The following ARB2A variants were observed in gnomAD, a reference collection of about 807,000 sequenced individuals.
ARB2A encodes ARB2 cotranscriptional regulator A.
the ARB2A span, among the ~76,000 whole-genome samples, chr5:93,926,796 C>A: frequency 6.7e-6 from 1 of 149,272 alleles, no homozygotes. Context: ...GTTTCTAATG[C>A]AAGTGAATTC....
the ARB2A span, among the ~76,000 whole-genome samples, chr5:93,730,979 T>C: frequency 6.6e-6 from 1 of 152,214 alleles, no homozygotes; most frequent in African/African-American, 2.4e-5. Flanking sequence ...GGTGGTATTA[T>C]TTGAATGCAG....
the ARB2A span, chr5:94,053,348 GATA>G: frequency 3.6e-6 from 2 of 552,936 alleles, no homozygotes; most frequent in Non-Finnish European, 6.2e-6. Context: ...TGCTTTAACT[GATA>G]ATGCTACTAA....
chr5:94,108,781 T>C, the ARB2A span, among the ~76,000 whole-genome samples: 53 of 152,208 alleles, frequency 3.5e-4, no homozygotes, highest in African/African-American at 1.2e-3. Flanking sequence ...TGTGGAGAAA[T>C]TGGACTCCTT....
At chr5:94,063,262 C>T in the ARB2A span, among the ~76,000 whole-genome samples, 107 of 152,282 alleles carry the variant, frequency 7.0e-4, no homozygotes, top group African/African-American at 2.6e-3. Flanking sequence ...TCCACCACCA[C>T]TGTCACCTAA....
chr5:93,633,643 A>G, the ARB2A span, among the ~76,000 whole-genome samples: 5 of 152,342 alleles, frequency 3.3e-5, no homozygotes, highest in Non-Finnish European at 7.4e-5. Flanking sequence ...CTTTAAAATT[A>G]TATAGCAATG....
the ARB2A span, among the ~76,000 whole-genome samples, chr5:94,006,226 T>C: frequency 1.3e-5 from 2 of 152,164 alleles, no homozygotes; most frequent in Non-Finnish European, 2.9e-5. Flanking sequence ...TACTGGAACA[T>C]GAAACATCCT....
chr5:94,088,808 A>G, the ARB2A span, among the ~76,000 whole-genome samples: 48 of 152,358 alleles, frequency 3.2e-4, no homozygotes, highest in African/African-American at 1.0e-3. Flanking sequence ...TGTATAAGAA[A>G]TTAAATTTTT....
the ARB2A span, among the ~76,000 whole-genome samples, chr5:94,065,040 A>G: frequency 6.6e-6 from 1 of 152,258 alleles, no homozygotes; most frequent in African/African-American, 2.4e-5. Flanking sequence ...AGAATCAATA[A>G]ATAAAATTTT....
chr5:93,644,187 G>A, the ARB2A span, among the ~76,000 whole-genome samples: 8 of 152,158 alleles, frequency 5.3e-5, no homozygotes, highest in Admixed American at 5.2e-4. Flanking sequence ...CAGATCCCAG[G>A]CTCTTATCTA....
chr5:94,026,383 G>T, the ARB2A span, among the ~76,000 whole-genome samples: 1 of 151,894 alleles, frequency 6.6e-6, no homozygotes, highest in African/African-American at 2.4e-5. Flanking sequence ...AAGAAGGAGG[G>T]CATGCTGACA....
At chr5:93,690,185 G>T in the ARB2A span, among the ~76,000 whole-genome samples, 1 of 152,130 alleles carries the variant, frequency 6.6e-6, no homozygotes, top group Non-Finnish European at 1.5e-5. Flanking sequence ...AGTGGCACCT[G>T]GAATGCCAGT....
At chr5:94,046,756 A>T in the ARB2A span, among the ~76,000 whole-genome samples, 1 of 152,160 alleles carries the variant, frequency 6.6e-6, no homozygotes, top group African/African-American at 2.4e-5. Flanking sequence ...TGCTTATCGG[A>T]TTCTGCACAC....
chr5:93,860,909 G>A, the ARB2A span: 1 of 152,308 alleles, frequency 6.6e-6, no homozygotes, highest in African/African-American at 2.4e-5. Context: ...GCCTCCCAAA[G>A]TGCTAGGATT....
the ARB2A span, among the ~76,000 whole-genome samples, chr5:94,053,636 T>C: frequency 6.6e-6 from 1 of 152,236 alleles, no homozygotes; most frequent in Non-Finnish European, 1.5e-5. Context: ...TAATATAGCA[T>C]ATTATTCCAT....
At chr5:93,881,479 C>T in the ARB2A span, 2 of 1,609,194 alleles carry the variant, frequency 1.2e-6, no homozygotes, top group Admixed American at 1.7e-5. Flanking sequence ...CTCTGATATA[C>T]AATTGCATCA....
At chr5:94,019,186 A>G in the ARB2A span, among the ~76,000 whole-genome samples, 3 of 152,214 alleles carry the variant, frequency 2.0e-5, no homozygotes, top group Admixed American at 2.0e-4. Flanking sequence ...ATTTAAATGT[A>G]AGACCTAAAA....
chr5:93,997,325 T>G, the ARB2A span, among the ~76,000 whole-genome samples: 1 of 152,006 alleles, frequency 6.6e-6, no homozygotes, highest in Non-Finnish European at 1.5e-5. Context: ...GTCAGTAGAT[T>G]ATAACGTTAG....
At chr5:93,833,192 C>T in the ARB2A span, among the ~76,000 whole-genome samples, 1 of 151,826 alleles carries the variant, frequency 6.6e-6, no homozygotes, top group African/African-American at 2.4e-5. Context: ...AGTAGATTAT[C>T]TTTTTAATTC....
chr5:93,662,245 T>C, the ARB2A span, among the ~76,000 whole-genome samples: 1 of 152,148 alleles, frequency 6.6e-6, no homozygotes, highest in Non-Finnish European at 1.5e-5. Context: ...ATTCCAAGTA[T>C]TAGGGGTTGG....
Sources: gnomAD v4.1 joint callset for allele counts (sites outside exome capture counted in the v4.1 genomes callset) on GRCh38, gnomAD v4.1.1 for gene constraint, MANE v1.5 for transcripts, NCBI Gene and HGNC (gene_info 2026-07-23, HGNC 2026-07-21) for gene names.